The following SYN2 variants were observed in gnomAD, a reference collection of about 807,000 sequenced individuals.
SYN2 encodes synapsin-2.
A neutral mutation model predicts 50.9 loss-of-function variants in SYN2; 19 were observed. The observed-to-expected ratio is 0.37, with a 90% CI of 0.26 to 0.55. The LOEUF (loss-of-function observed/expected upper bound fraction) is 0.55. Among genes scored for constraint, SYN2 ranks in the 20% least tolerant of loss-of-function variants. The pLI is 0.81. For missense variants in SYN2, 587 were observed against 576.4 expected (o/e 1.02, Z -0.19); for synonymous variants, 255 against 224.9 (o/e 1.13, Z -1.20).
chr3:12,063,332 G>A (rs1042579363), intron 1 of SYN2, among the ~76,000 whole-genome samples: 2 of 152,000 alleles, frequency 1.3e-5, no homozygotes, highest in Admixed American at 1.3e-4. Flanking sequence ...GAGGGAAAAA[G>A]GTGCTGATTT....
chr3:12,166,276 C>T (rs1487585303), intron 7 of SYN2, among the ~76,000 whole-genome samples: 3 of 152,208 alleles, frequency 2.0e-5, no homozygotes, highest in Admixed American at 1.3e-4. Context: ...ACTCTTCTGT[C>T]CCCTAGGCTA....
chr3:12,085,617 A>C (rs1695685616), intron 1 of SYN2, among the ~76,000 whole-genome samples: 1 of 152,218 alleles, frequency 6.6e-6, no homozygotes, highest in Non-Finnish European at 1.5e-5. Flanking sequence ...TGGAAAATTA[A>C]CACGTATGTG....
intron 1 of SYN2, among the ~76,000 whole-genome samples, chr3:12,075,902 C>T (rs961791998): frequency 1.3e-5 from 2 of 152,178 alleles, no homozygotes; most frequent in East Asian, 1.9e-4. Flanking sequence ...ATATTACCAG[C>T]CAATATTCCT....
chr3:12,067,061 G>A (rs141687148), intron 1 of SYN2, among the ~76,000 whole-genome samples: 152 of 152,184 alleles, frequency 1.0e-3, no homozygotes, highest in African/African-American at 3.4e-3. Context: ...GGGGGTAACT[G>A]CCCCCATGAT....
At chr3:12,071,023 T>C (rs189390436) in intron 1 of SYN2, 26 of 556,732 alleles carry the variant, frequency 4.7e-5, no homozygotes, top group Middle Eastern at 3.0e-4. Context: ...GGCGCTGTTA[T>C]AGCTTTCCTT....
chr3:12,187,043 T>G (rs1698355090), intron 11 of SYN2, among the ~76,000 whole-genome samples: 1 of 152,088 alleles, frequency 6.6e-6, no homozygotes, highest in South Asian at 2.1e-4. Context: ...CTGAGACACC[T>G]CTAGAGAGGA....
intron 1 of SYN2, among the ~76,000 whole-genome samples, chr3:12,129,717 C>G (rs1346101570): frequency 1.3e-5 from 2 of 152,066 alleles, no homozygotes; most frequent in African/African-American, 2.4e-5. Flanking sequence ...GTTCCTTGTT[C>G]CCTTAAGTCC....
chr3:12,004,721 G>C lies in SYN2; in HGVS notation c.170G>C (p.Gly57Ala), dbSNP rs1393674662. Residue 57 changes from glycine (G) to alanine (A), a missense_variant, in exon 1 of 13, where the codon GGC (glycine) becomes GCC (alanine). Coordinates refer to ENST00000621198, the MANE Select transcript of SYN2 (RefSeq NM_133625.6). Reference sequence around the variant, plus strand: ...GCGGCGCCCCCGACCGCCTCGCCGGGCCCGGAGCGGAGGCCGCCGCCCGCC... The same window carrying C: ...GCGGCGCCCCCGACCGCCTCGCCGGCCCCGGAGCGGAGGCCGCCGCCCGCC... ...ASAAPPTASP[G>A]PERRPPPASA... is the part of the protein sequence containing the mutation. The C allele has an allele frequency of 1.1e-5, 2 of 174,290 alleles. No individual in the cohort carries two copies. Among genetic ancestry groups the C allele is most frequent in the Non-Finnish European group, 2.4e-5 (2 of 84,496 alleles). The allele number at this position is 174,290 out of a possible 1,614,324, so 10.8% of individuals were successfully genotyped here.
chr3:12,056,910 C>T (rs931907843), intron 1 of SYN2, among the ~76,000 whole-genome samples: 2 of 152,156 alleles, frequency 1.3e-5, no homozygotes, highest in African/African-American at 4.8e-5. Context: ...TTCTCACCCT[C>T]TCAACTAATC....
intron 1 of SYN2, among the ~76,000 whole-genome samples, chr3:12,075,982 C>T (rs182027695): frequency 1.3e-5 from 2 of 152,202 alleles, no homozygotes; most frequent in East Asian, 3.9e-4. Flanking sequence ...TTAATCTTCA[C>T]GACAATCCTG....
In SYN2 at chr3:12,154,404, T is replaced by C. The variant is rs774165216; in HGVS notation, c.774+3078T>C. ...AAGGACAGGTCCTCCCAGGGCTCGA[T>C]GTAGTTGCACAGATGGATGAAGACT... On this transcript the variant is annotated intron_variant, in intron 5 of 12. Transcript: ENST00000621198. 3.5e-5 allele frequency: 56 copies of C among 1,614,076 alleles called. No homozygotes were observed. Among genetic ancestry groups the C allele is most frequent in the South Asian group, 1.3e-4 (12 of 91,094 alleles).
At chr3:12,051,009 A>T (rs1187124115) in intron 1 of SYN2, among the ~76,000 whole-genome samples, 1 of 151,958 alleles carries the variant, frequency 6.6e-6, no homozygotes, top group Non-Finnish European at 1.5e-5. Context: ...TGCTGGGATT[A>T]CAGGCGTGAG....
intron 1 of SYN2, among the ~76,000 whole-genome samples, chr3:12,053,189 G>A (rs1170537473): frequency 2.0e-5 from 3 of 152,142 alleles, no homozygotes; most frequent in South Asian, 2.1e-4. Context: ...TTGGGAGGCC[G>A]AGGTGGGTGG....
intron 1 of SYN2, among the ~76,000 whole-genome samples, chr3:12,113,711 T>G (rs1696373619): frequency 6.6e-6 from 1 of 152,194 alleles, no homozygotes; most frequent in Non-Finnish European, 1.5e-5. Context: ...TGTACTAGTT[T>G]TGGTGTTCGA....
At chr3:12,157,840 TTATC>T (rs1697503908) in intron 5 of SYN2, among the ~76,000 whole-genome samples, 1 of 147,428 alleles carries the variant, frequency 6.8e-6, no homozygotes, top group Non-Finnish European at 1.5e-5. Context: ...GGTGTGAAGT[TTATC>T]TATTGCTGTG....
At chr3:12,082,259 C>T (rs1023943254) in intron 1 of SYN2, among the ~76,000 whole-genome samples, 4 of 152,210 alleles carry the variant, frequency 2.6e-5, no homozygotes, top group African/African-American at 4.8e-5. Flanking sequence ...GTTCATTAGA[C>T]TCAGTGCCCA....
intron 1 of SYN2, among the ~76,000 whole-genome samples, chr3:12,109,595 T>C (rs1696271635): frequency 6.6e-6 from 1 of 152,186 alleles, no homozygotes; most frequent in Admixed American, 6.5e-5. Context: ...GAGTTCTCTT[T>C]TCATCTTTCC....
intron 1 of SYN2, chr3:12,070,991 A>C (rs1193678054): frequency 1.8e-6 from 1 of 549,414 alleles, no homozygotes; most frequent in Admixed American, 1.9e-5. Flanking sequence ...ACCATTGGCA[A>C]CAAGTGGTCC....
chr3:12,190,754 G>A lies in SYN2; in HGVS notation c.*129G>A. The A allele has an allele frequency of 6.9e-7, 1 of 1,450,580 alleles. No homozygotes were observed. 89.9% of individuals were successfully genotyped at this position (1,450,580 alleles called of 1,614,324 possible). ...GTGTGGTCCCTTCCTCTGCTCTGTT[G>A]TACTAAGTGATGTTGTGCAGCCCAG... On this transcript the variant is annotated 3_prime_UTR_variant, in exon 13 of 13. Transcript: ENST00000621198.
Sources: gnomAD v4.1 joint callset for allele counts (sites outside exome capture counted in the v4.1 genomes callset) on GRCh38, gnomAD v4.1.1 for gene constraint, MANE v1.5 for transcripts, NCBI Gene and HGNC (gene_info 2026-07-23, HGNC 2026-07-21) for gene names.